The following RAD51B variants were observed in gnomAD, a reference collection of about 807,000 sequenced individuals.
RAD51B encodes the protein DNA repair protein RAD51 homolog 2.
Under a neutral mutation model 42.2 loss-of-function variants are expected in RAD51B, and 38 were observed. The observed-to-expected ratio is 0.90, with a 90% CI of 0.70 to 1.18. RAD51B has a LOEUF of 1.18. Ranked by LOEUF, RAD51B falls within the 50% of genes most tolerant of loss-of-function variation. The pLI is 0.00. For missense variants in RAD51B, 373 were observed against 400.7 expected, an observed-to-expected ratio of 0.93 and a Z score of 0.59; for synonymous variants, 154 against 145.2, an observed-to-expected ratio of 1.06 and a Z score of -0.43.
intron 10 of RAD51B, among the ~76,000 whole-genome samples, chr14:68,526,378 G>T (rs1886931631): frequency 1.3e-5 from 2 of 152,212 alleles, no homozygotes; most frequent in African/African-American, 4.8e-5. Context: ...ACTGGACGAT[G>T]TTTCCACAGC....
chr14:68,271,788 C>G (rs551684891), intron 7 of RAD51B, among the ~76,000 whole-genome samples: 2 of 152,226 alleles, frequency 1.3e-5, no homozygotes, highest in East Asian at 1.9e-4. Context: ...TTGAAGATGA[C>G]GATGATGATA....
chr14:68,283,701 C>G (rs1040465658), intron 7 of RAD51B, among the ~76,000 whole-genome samples: 2 of 152,200 alleles, frequency 1.3e-5, no homozygotes, highest in Non-Finnish European at 2.9e-5. Flanking sequence ...GGAACCAACA[C>G]GTGCTAACCT....
At chr14:68,454,231 C>T (rs1239435011) in intron 9 of RAD51B, among the ~76,000 whole-genome samples, 4 of 152,004 alleles carry the variant, frequency 2.6e-5, no homozygotes, top group Admixed American at 2.6e-4. Flanking sequence ...GGGGAGATAA[C>T]CAAGATAGAT....
At chr14:68,091,271 C>T (rs1479164013) in intron 7 of RAD51B, among the ~76,000 whole-genome samples, 182 of 152,262 alleles carry the variant, frequency 1.2e-3, no homozygotes, top group African/African-American at 4.2e-3. Context: ...CCTGAGGAAC[C>T]ACCACACTGA....
chr14:68,280,766 G>A lies in RAD51B; in HGVS notation c.757-11118G>A, dbSNP rs149296781. 3.7e-3 allele frequency among the ~76,000 whole-genome samples: 568 copies of A among 152,200 alleles called. 4 individuals carry two copies. The highest frequency in any genetic ancestry group is 0.013 in the African/African-American group (548 of 41,548). ...ACTTGGTATTGATTCTAAAGTCAGG[G>A]TATTATCTAGGGCAAGGTGGCTCAC... On this transcript the variant is annotated intron_variant, in intron 7 of 10. Coordinates refer to ENST00000471583, the MANE Select transcript of RAD51B (RefSeq NM_133510.4).
chr14:68,522,372 T>C (rs931256464), intron 10 of RAD51B, among the ~76,000 whole-genome samples: 1 of 152,070 alleles, frequency 6.6e-6, no homozygotes, highest in African/African-American at 2.4e-5. Context: ...CAGGATGAGG[T>C]TGAAGGCACA....
At chr14:68,014,543 T>C (rs1466854507) in intron 7 of RAD51B, among the ~76,000 whole-genome samples, 2 of 152,130 alleles carry the variant, frequency 1.3e-5, no homozygotes, top group Admixed American at 6.6e-5. Context: ...TAACATCTTT[T>C]TTGAATATTT....
intron 7 of RAD51B, among the ~76,000 whole-genome samples, chr14:67,905,782 C>G (rs1311313442): frequency 6.6e-6 from 1 of 151,980 alleles, no homozygotes; most frequent in East Asian, 1.9e-4. Flanking sequence ...AAACTTTGCT[C>G]AAGTCATTTA....
intron 7 of RAD51B, among the ~76,000 whole-genome samples, chr14:68,106,287 T>TA (rs148291754): frequency 0.084 from 12,768 of 151,888 alleles, 1,578 homozygotes; most frequent in African/African-American, 0.27. Flanking sequence ...GTTTCTTACT[T>TA]AAAAAAATGA....
chr14:68,057,054 A>G (rs1001913094), intron 7 of RAD51B, among the ~76,000 whole-genome samples: 1 of 150,880 alleles, frequency 6.6e-6, no homozygotes, highest in African/African-American at 2.4e-5. Flanking sequence ...GTGCCATTGC[A>G]CTCCAGCCTG....
chr14:68,123,332 C>T (rs913355127), intron 7 of RAD51B, among the ~76,000 whole-genome samples: 5 of 151,718 alleles, frequency 3.3e-5, no homozygotes, highest in African/African-American at 7.3e-5. Flanking sequence ...GGATCATAGG[C>T]GTGTACCACC....
intron 10 of RAD51B, among the ~76,000 whole-genome samples, chr14:68,514,396 G>T (rs779586740): frequency 1.4e-4 from 21 of 152,178 alleles, no homozygotes; most frequent in Non-Finnish European, 2.8e-4. Context: ...GTGGTATGGA[G>T]TTCCAATGAA....
At chr14:68,674,408 T>C (rs1341186618) in intron 11 of RAD51B, among the ~76,000 whole-genome samples, 1 of 152,120 alleles carries the variant, frequency 6.6e-6, no homozygotes, top group Admixed American at 6.5e-5. Context: ...TGTATTCTAA[T>C]GTATCATACA....
intron 7 of RAD51B, among the ~76,000 whole-genome samples, chr14:68,020,901 G>A (rs1257136273): frequency 6.6e-6 from 1 of 152,102 alleles, no homozygotes; most frequent in Non-Finnish European, 1.5e-5. Flanking sequence ...GATTTTTGTG[G>A]CTGAATATTT....
intron 7 of RAD51B, among the ~76,000 whole-genome samples, chr14:68,059,121 A>G (rs1259331080): frequency 2.6e-5 from 4 of 151,966 alleles, no homozygotes; most frequent in African/African-American, 9.7e-5. Context: ...TTTGTCCTCC[A>G]CATCACTTAT....
intron 7 of RAD51B, among the ~76,000 whole-genome samples, chr14:67,975,618 G>T (rs1339284627): frequency 6.6e-6 from 1 of 152,218 alleles, no homozygotes; most frequent in Non-Finnish European, 1.5e-5. Context: ...CGTGCTGGAA[G>T]ATTTATGGAC....
intron 7 of RAD51B, among the ~76,000 whole-genome samples, chr14:67,962,591 G>GT (rs2074692477): frequency 6.6e-6 from 1 of 152,166 alleles, no homozygotes; most frequent in Admixed American, 6.5e-5. Flanking sequence ...CAAGAACAGT[G>GT]TACCCAGCCA....
chr14:68,206,050 C>T (rs1419542234), intron 7 of RAD51B, among the ~76,000 whole-genome samples: 2 of 152,154 alleles, frequency 1.3e-5, no homozygotes, highest in African/African-American at 4.8e-5. Context: ...TGTCATGTTC[C>T]TTTAGTCTCC....
intron 7 of RAD51B, among the ~76,000 whole-genome samples, chr14:68,166,168 CT>C (rs71129871): frequency 2.6e-4 from 34 of 131,986 alleles, no homozygotes; most frequent in Admixed American, 3.0e-4. Flanking sequence ...TATTTCTGCT[CT>C]TTTTTTTTTT....
Sources: allele counts gnomAD v4.1 joint callset (sites outside exome capture counted in the v4.1 genomes callset), GRCh38; gene constraint gnomAD v4.1.1; transcripts MANE v1.5; gene names NCBI Gene and HGNC (gene_info 2026-07-23, HGNC 2026-07-21).